The following GLDN variants were observed in gnomAD, a reference collection of about 807,000 sequenced individuals.
GLDN encodes the protein collomin.
Under a neutral mutation model 56.5 loss-of-function variants are expected in GLDN, and 47 were observed. The observed-to-expected ratio is 0.83, with a 90% CI of 0.66 to 1.06. GLDN has a LOEUF of 1.06. Ranked by LOEUF, GLDN falls within the 50% of genes least tolerant of loss-of-function variation. The pLI is 0.00. For missense variants in GLDN, 782 were observed against 714.3 expected, an observed-to-expected ratio of 1.09 and a Z score of -1.08; for synonymous variants, 332 against 278.8, an observed-to-expected ratio of 1.19 and a Z score of -1.90.
intron 1 of GLDN, among the ~76,000 whole-genome samples, chr15:51,374,060 C>A (rs917060704): frequency 6.6e-6 from 1 of 152,144 alleles, no homozygotes; most frequent in Non-Finnish European, 1.5e-5. Flanking sequence ...AAAGACTATT[C>A]TTGAGTAAAG....
chr15:51,363,541 G>T (rs1466654355), intron 1 of GLDN, among the ~76,000 whole-genome samples: 1 of 152,230 alleles, frequency 6.6e-6, no homozygotes, highest in Non-Finnish European at 1.5e-5. Context: ...GGGCATGTGG[G>T]TGCACACTGT....
rs1018534665 is a variant in GLDN at position 51,395,029 on chromosome 15, G to A, written c.688+48G>A. On this transcript the variant is annotated intron_variant, in intron 5 of 9. Transcript: ENST00000335449. Reference sequence around the variant, plus strand: ...CTCTTTGAGGGCTTGTGCGCCCAGAGAACTGCCTGGCTTCCAACACCAGGG... The same window carrying A: ...CTCTTTGAGGGCTTGTGCGCCCAGAAAACTGCCTGGCTTCCAACACCAGGG... 10 of 1,494,360 alleles carry A rather than the reference G, an allele frequency of 6.7e-6. No homozygotes were observed. In the African/African-American group the frequency reaches 1.4e-4, roughly 21 times the overall value. 92.6% of individuals were successfully genotyped at this position (1,494,360 alleles called of 1,614,324 possible). A position where few individuals can be genotyped will look rare whatever the true frequency, so the allele number is the denominator to read the frequency against.
At chr15:51,379,500 T>C (rs147744289) in intron 2 of GLDN, among the ~76,000 whole-genome samples, 8 of 152,372 alleles carry the variant, frequency 5.3e-5, no homozygotes, top group Non-Finnish European at 8.8e-5. Context: ...TAGGCAAATA[T>C]CAATCACGGA....
chr15:51,350,471 T>A (rs1028873873), intron 1 of GLDN, among the ~76,000 whole-genome samples: 2 of 152,178 alleles, frequency 1.3e-5, no homozygotes, highest in Non-Finnish European at 2.9e-5. Context: ...CCCTTCTCAC[T>A]GCAGCGTGTG....
intron 4 of GLDN, among the ~76,000 whole-genome samples, chr15:51,386,406 C>T (rs1348684589): frequency 6.6e-6 from 1 of 152,172 alleles, no homozygotes; most frequent in African/African-American, 2.4e-5. Context: ...CCCGAGGCTG[C>T]ACTTTCCCTC....
At chr15:51,401,304 A>G (rs1421410798) in intron 8 of GLDN, among the ~76,000 whole-genome samples, 1 of 152,246 alleles carries the variant, frequency 6.6e-6, no homozygotes, top group Non-Finnish European at 1.5e-5. Context: ...TGCCACTCTC[A>G]TAGAGAGTTT....
At chr15:51,383,219 TG>T (rs753497182) in intron 2 of GLDN, among the ~76,000 whole-genome samples, 3 of 152,210 alleles carry the variant, frequency 2.0e-5, no homozygotes, top group Non-Finnish European at 4.4e-5. Flanking sequence ...AAATTAATCT[TG>T]GTTCATTGAA....
intron 1 of GLDN, among the ~76,000 whole-genome samples, chr15:51,344,448 G>C (rs1297582551): frequency 6.6e-6 from 1 of 151,848 alleles, no homozygotes; most frequent in African/African-American, 2.4e-5. Flanking sequence ...TTTACTCTCT[G>C]CTTTTCTCAG....
chr15:51,355,885 T>C (rs2037171961), intron 1 of GLDN, among the ~76,000 whole-genome samples: 1 of 149,456 alleles, frequency 6.7e-6, no homozygotes, highest in Non-Finnish European at 1.5e-5. Context: ...ACCTCCTGTC[T>C]CATCCTGAGA....
chr15:51,372,786 G>T (rs938120438), intron 1 of GLDN, among the ~76,000 whole-genome samples: 3 of 152,138 alleles, frequency 2.0e-5, no homozygotes, highest in African/African-American at 7.2e-5. Flanking sequence ...TAGACACAGG[G>T]TACCTTAGTC....
At chr15:51,353,897 T>A (rs1175126053) in intron 1 of GLDN, among the ~76,000 whole-genome samples, 1 of 152,194 alleles carries the variant, frequency 6.6e-6, no homozygotes, top group Non-Finnish European at 1.5e-5. Context: ...CTAAAGGTCA[T>A]GTTGTTTAAA....
At chr15:51,345,728 C>T (rs896139471) in intron 1 of GLDN, among the ~76,000 whole-genome samples, 1 of 152,122 alleles carries the variant, frequency 6.6e-6, no homozygotes, top group Admixed American at 6.5e-5. Flanking sequence ...AATAGTATCT[C>T]GAATTGTCCT....
chr15:51,402,348 GAAGAGGAAATC>G (rs59199827), intron 9 of GLDN, among the ~76,000 whole-genome samples: 5,950 of 152,256 alleles, frequency 0.039, 396 homozygotes, highest in African/African-American at 0.14. Flanking sequence ...TAGGGTTCAA[GAAGAGGAAATC>G]AAGCTCTGGC....
chr15:51,370,855 G>A (rs1438518883), intron 1 of GLDN, among the ~76,000 whole-genome samples: 1 of 152,140 alleles, frequency 6.6e-6, no homozygotes, highest in African/African-American at 2.4e-5. Flanking sequence ...AGCTGGGTGT[G>A]GTGGTGTGCA....
At chr15:51,370,902 G>T (rs546686677) in intron 1 of GLDN, among the ~76,000 whole-genome samples, 1 of 152,238 alleles carries the variant, frequency 6.6e-6, no homozygotes, top group East Asian at 1.9e-4. Flanking sequence ...TGAGGCAGGA[G>T]AATTGCTTGA....
chr15:51,369,655 A>T (rs1242288358), intron 1 of GLDN, among the ~76,000 whole-genome samples: 1 of 152,246 alleles, frequency 6.6e-6, no homozygotes, highest in Non-Finnish European at 1.5e-5. Flanking sequence ...ATTCATTCTG[A>T]TGAGAAAGAC....
Position 51,407,215 on chromosome 15 carries a change from A to G in GLDN, c.*2461A>G, listed in dbSNP as rs1378498782. 1 of 151,908 alleles carries G rather than the reference A, an allele frequency of 6.6e-6. No individual in the cohort carries two copies. The highest frequency in any genetic ancestry group is 1.5e-5 in the Non-Finnish European group (1 of 68,012). The allele number at this position is 151,908 out of a possible 1,614,324, so 9.4% of individuals were successfully genotyped here. ...GCTAACGTAAGGACAACTGAGTTTG[A>G]TCAGTGTTTAATCGCAGTGGGTAAT... On this transcript the variant is annotated 3_prime_UTR_variant, in exon 10 of 10. Transcript: ENST00000335449.
intron 4 of GLDN, among the ~76,000 whole-genome samples, chr15:51,386,644 G>C (rs923296768): frequency 6.6e-6 from 1 of 152,238 alleles, no homozygotes; most frequent in African/African-American, 2.4e-5. Context: ...GGAACCGGCA[G>C]GCGAATGAGC....
chr15:51,355,966 G>T (rs1555402237), intron 1 of GLDN, among the ~76,000 whole-genome samples: 1 of 150,436 alleles, frequency 6.6e-6, no homozygotes, highest in Non-Finnish European at 1.5e-5. Context: ...CCAACACTTT[G>T]GGAGGCCAAG....
Sources: allele counts gnomAD v4.1 joint callset (sites outside exome capture counted in the v4.1 genomes callset), GRCh38; gene constraint gnomAD v4.1.1; transcripts MANE v1.5; gene names NCBI Gene and HGNC (gene_info 2026-07-23, HGNC 2026-07-21).